Variants in SLC22A25 observed in about 807,000 individuals in gnomAD.
The protein encoded by SLC22A25 is MGI:2442751, MGI:2385316, MGI:3042283, MGI:3645714, MGI:3605624, MGI:2442750.
Under a neutral mutation model 45.9 loss-of-function variants are expected in SLC22A25, and 44 were observed. That is an observed-to-expected ratio of 0.96 (90% CI 0.75 to 1.23). The LOEUF is 1.23. Among genes scored for constraint, SLC22A25 ranks in the 50% most tolerant of loss-of-function variants. SLC22A25 has a pLI of 0.00. For missense variants in SLC22A25, 800 were observed against 666.4 expected, an observed-to-expected ratio of 1.20 and a Z score of -2.21; for synonymous variants, 283 against 238.6, an observed-to-expected ratio of 1.19 and a Z score of -1.72.
chr11:63,217,762 T>A, intron 5 of SLC22A25, 27 bp from the exon 6 acceptor site: 1 of 1,583,606 alleles, frequency 6.3e-7, no homozygotes, highest in South Asian at 1.2e-5. Flanking sequence ...CATTAGATAA[T>A]GGGAACAATA....
chr11:63,193,321 G>A (rs2088881088), intron 7 of SLC22A25, among the ~76,000 whole-genome samples: 1 of 152,208 alleles, frequency 6.6e-6, no homozygotes, highest in South Asian at 2.1e-4. Context: ...TCTGAGAACA[G>A]ACAGTCTGCC....
At chr11:63,173,161 T>G (rs2087950957) in intron 9 of SLC22A25, among the ~76,000 whole-genome samples, 1 of 134,950 alleles carries the variant, frequency 7.4e-6, no homozygotes, top group African/African-American at 2.9e-5. Context: ...AAGTGGGAAC[T>G]GAACAATGGG....
In SLC22A25 at chr11:63,159,623, A is replaced by G. The variant is rs369472532; in HGVS notation, c.*4201T>C. Reference sequence around the variant, plus strand: ...TCTTTATCAGCAGCATGAGAAATGGACTAATATAGTAAATTGGTACTGATA... The same window carrying G: ...TCTTTATCAGCAGCATGAGAAATGGGCTAATATAGTAAATTGGTACTGATA... On this transcript the variant is annotated 3_prime_UTR_variant, in exon 12 of 12. Coordinates refer to ENST00000306494, the MANE Select transcript of SLC22A25 (RefSeq NM_199352.6). Among the ~76,000 whole-genome samples the G allele has an allele frequency of 1.2e-4, 19 of 152,196 alleles. No homozygotes were observed. The highest frequency in any genetic ancestry group is 4.6e-4 in the African/African-American group (19 of 41,448).
chr11:63,175,634 C>A (rs527993325), intron 9 of SLC22A25, among the ~76,000 whole-genome samples: 7 of 151,970 alleles, frequency 4.6e-5, no homozygotes, highest in Non-Finnish European at 8.8e-5. Flanking sequence ...TTCCTTTCAT[C>A]GTTTGTGCTT....
intron 7 of SLC22A25, among the ~76,000 whole-genome samples, chr11:63,198,361 T>A (rs1365882938): frequency 6.6e-6 from 1 of 152,164 alleles, no homozygotes; most frequent in Admixed American, 6.6e-5. Context: ...TAAGAAAATA[T>A]GACACATATA....
intron 5 of SLC22A25, chr11:63,217,947 C>T (rs2089760652): frequency 1.5e-6 from 1 of 661,732 alleles, no homozygotes; most frequent in South Asian, 1.8e-5. Context: ...AAAGTTTCTT[C>T]TCCAATCTGT....
intron 7 of SLC22A25, among the ~76,000 whole-genome samples, chr11:63,187,440 T>A (rs2088603523): frequency 6.6e-6 from 1 of 152,196 alleles, no homozygotes; most frequent in Admixed American, 6.5e-5. Context: ...TTAAGGAGAT[T>A]TTGGGCTGAG....
chr11:63,164,189 A>C, intron 11 of SLC22A25, 116 bp from the exon 12 acceptor site: 1 of 1,360,326 alleles, frequency 7.4e-7, no homozygotes, highest in Non-Finnish European at 1.0e-6. Flanking sequence ...GTGATAACAT[A>C]CTCTTGCTTT....
chr11:63,215,949 C>T (rs1056037325), intron 7 of SLC22A25, among the ~76,000 whole-genome samples: 2 of 152,160 alleles, frequency 1.3e-5, no homozygotes, highest in Non-Finnish European at 2.9e-5. Flanking sequence ...GACATACTCT[C>T]ATTCTTTTTT....
intron 7 of SLC22A25, among the ~76,000 whole-genome samples, chr11:63,188,882 C>T (rs2088675942): frequency 6.6e-6 from 1 of 152,138 alleles, no homozygotes; most frequent in South Asian, 2.1e-4. Flanking sequence ...ATCCTGAGTT[C>T]TAGTTTGATT....
At chr11:63,237,814 G>A (rs946840988) in intron 3 of SLC22A25, 67 bp downstream of exon 3, 4 of 152,136 alleles carry the variant, frequency 2.6e-5, no homozygotes, top group African/African-American at 7.2e-5. Context: ...GTAGCCCCAG[G>A]ACAGTGTGAT....
rs115327342 is a variant in SLC22A25, at chr11:63,163,323, C to T, written c.*501G>A. On this transcript the variant is annotated 3_prime_UTR_variant, in exon 12 of 12. Coordinates refer to ENST00000306494, the MANE Select transcript of SLC22A25 (RefSeq NM_199352.6). ...TATCACTTCTTTTCCCCTTTTCCAA[C>T]GCTTTTTTTCCCCCGTGAAAATTAG... Among the ~76,000 whole-genome samples, 92 of 152,316 alleles carry T rather than the reference C, an allele frequency of 6.0e-4. No individual in the cohort carries two copies. The highest frequency in any genetic ancestry group is 1.6e-3 in the African/African-American group (66 of 41,584).
intron 7 of SLC22A25, among the ~76,000 whole-genome samples, chr11:63,214,412 A>C (rs1038363480): frequency 6.6e-6 from 1 of 152,228 alleles, no homozygotes; most frequent in Non-Finnish European, 1.5e-5. Context: ...AGGAATTAAA[A>C]GAAATTAAAG....
rs185103425 is a variant in SLC22A25 at position 63,242,075 on chromosome 11, A to C, written c.-996+1359T>G. On this transcript the variant is annotated intron_variant, in intron 1 of 11. Transcript: ENST00000306494. ...TTGTCTAATGGAGCAGATTCCAGTA[A>C]GAGTCACAAGAGACCAAGAAAAAGT... Among the ~76,000 whole-genome samples, 31 of 152,356 alleles carry C rather than the reference A, an allele frequency of 2.0e-4. 1 individual carries two copies. The highest frequency in any genetic ancestry group is 1.8e-3 in the Admixed American group (28 of 15,296).
chr11:63,192,060 G>C (rs1183523425), intron 7 of SLC22A25, among the ~76,000 whole-genome samples: 1 of 152,122 alleles, frequency 6.6e-6, no homozygotes, highest in Non-Finnish European at 1.5e-5. Context: ...AATGATGATA[G>C]AAAAAATGTT....
rs530309103 is a variant in SLC22A25 at position 63,232,627 on chromosome 11, C to G, written c.-444-2531G>C. ...TTTCCTAATTGAATTCCCTTTATTC[C>G]CTTCTCCTGCCTGATTGCCCTGGCC... is the stretch of plus-strand genomic sequence containing the variant. On this transcript the variant is annotated intron_variant, in intron 3 of 11. Coordinates refer to ENST00000306494, the MANE Select transcript of SLC22A25 (RefSeq NM_199352.6). Among the ~76,000 whole-genome samples the G allele has an allele frequency of 3.9e-5, 6 of 152,146 alleles. No homozygotes were observed. The South Asian group carries it at 6.2e-4, about 16-fold the overall frequency.
rs1961165 is a variant in SLC22A25 at position 63,159,136 on chromosome 11, A to G, written c.*4688T>C. Among the ~76,000 whole-genome samples the G allele has an allele frequency of 1.3e-3, 192 of 152,216 alleles. No homozygotes were observed. Among genetic ancestry groups the G allele is most frequent in the Non-Finnish European group, 1.8e-3 (123 of 68,012 alleles). Reference sequence around the variant, plus strand: ...GTACTTCATTGTGTATATGTACCACATTTTCTTTATCAATTCATCTGCTGA... The same window carrying G: ...GTACTTCATTGTGTATATGTACCACGTTTTCTTTATCAATTCATCTGCTGA... On this transcript the variant is annotated 3_prime_UTR_variant, in exon 12 of 12. Coordinates refer to ENST00000306494, the MANE Select transcript of SLC22A25 (RefSeq NM_199352.6).
intron 7 of SLC22A25, among the ~76,000 whole-genome samples, chr11:63,216,669 A>C (rs2089719147): frequency 6.6e-6 from 1 of 152,168 alleles, no homozygotes; most frequent in Admixed American, 6.5e-5. Flanking sequence ...GTGGGAGCTA[A>C]AGGTGGGAGG....
chr11:63,180,897 C>T, intron 8 of SLC22A25, 122 bp from the exon 9 acceptor site: 1 of 640,158 alleles, frequency 1.6e-6, no homozygotes, highest in Admixed American at 3.0e-5. Flanking sequence ...GCAGAAAATA[C>T]ATGGCTTAAA....
Sources: allele counts gnomAD v4.1 joint callset (sites outside exome capture counted in the v4.1 genomes callset), GRCh38; gene constraint gnomAD v4.1.1; transcripts MANE v1.5; gene names NCBI Gene and HGNC (gene_info 2026-07-23, HGNC 2026-07-21).